Variants in GRM8 observed in about 807,000 individuals in gnomAD.
GRM8 encodes glutamate metabotropic receptor 8, also known as metabotropic glutamate receptor 8.
Under a neutral mutation model 87.2 loss-of-function variants are expected in GRM8, and 47 were observed. That is an observed-to-expected ratio of 0.54 (90% CI 0.43 to 0.69). GRM8 has a LOEUF of 0.69. Among genes scored for constraint, GRM8 ranks in the 30% least tolerant of loss-of-function variants. The pLI is 0.00. For missense variants in GRM8, 1,019 were observed against 1,139.2 expected, an observed-to-expected ratio of 0.89 and a Z score of 1.52; for synonymous variants, 396 against 404.5, an observed-to-expected ratio of 0.98 and a Z score of 0.25.
In GRM8 at chr7:126,911,850, A is replaced by G. The variant is rs116267363; in HGVS notation, c.728-7167T>C. Among the ~76,000 whole-genome samples, 406 of 152,270 alleles carry G rather than the reference A, an allele frequency of 2.7e-3. 2 individuals carry two copies. The highest frequency in any genetic ancestry group is 9.4e-3 in the African/African-American group (391 of 41,540). On this transcript the variant is annotated intron_variant, in intron 3 of 10. Transcript: ENST00000339582. ...ATGATTCATTTTATGTATCAGTTTG[A>G]CTGGGCCACATGCTGCCCACATAGC...
chr7:127,210,949 C>CCAATACAA (rs1350292448), intron 2 of GRM8, among the ~76,000 whole-genome samples: 1 of 152,112 alleles, frequency 6.6e-6, no homozygotes, highest in East Asian at 1.9e-4. Flanking sequence ...CTTCTGAAAG[C>CCAATACAA]CAATACAAAG....
At chr7:127,037,176 T>G (rs1817923195) in intron 3 of GRM8, among the ~76,000 whole-genome samples, 1 of 152,200 alleles carries the variant, frequency 6.6e-6, no homozygotes. Flanking sequence ...TAGATCCCTT[T>G]GCTAAGGGTA....
chr7:126,532,849 A>G, intron 9 of GRM8, 103 bp downstream of exon 9: 2 of 581,512 alleles, frequency 3.4e-6, no homozygotes, highest in East Asian at 2.9e-5. Context: ...AGACTGAAGC[A>G]TCTTTAGAGA....
intron 6 of GRM8, among the ~76,000 whole-genome samples, chr7:126,784,410 T>G (rs1820411276): frequency 6.6e-6 from 1 of 152,230 alleles, no homozygotes; most frequent in Non-Finnish European, 1.5e-5. Context: ...AGAAATTTGA[T>G]AAATTTAGAA....
chr7:126,482,547 CA>C (rs201799318), intron 9 of GRM8, among the ~76,000 whole-genome samples: 1,966 of 151,946 alleles, frequency 0.013, 39 homozygotes, highest in African/African-American at 0.045. Context: ...AAGCAAGTCA[CA>C]AAAAAGACAA....
At chr7:126,919,829 T>C (rs373815036) in intron 3 of GRM8, among the ~76,000 whole-genome samples, 1 of 152,164 alleles carries the variant, frequency 6.6e-6, no homozygotes, top group East Asian at 1.9e-4. Flanking sequence ...AGCCACCTGA[T>C]ACAACACCCT....
intron 7 of GRM8, among the ~76,000 whole-genome samples, chr7:126,706,796 T>G (rs1450833497): frequency 6.6e-6 from 1 of 152,116 alleles, no homozygotes; most frequent in African/African-American, 2.4e-5. Context: ...ATACTGTAAG[T>G]CTGGTTTCAA....
At chr7:127,242,112 A>G (rs542170060) in intron 2 of GRM8, among the ~76,000 whole-genome samples, 13 of 152,326 alleles carry the variant, frequency 8.5e-5, no homozygotes, top group African/African-American at 3.1e-4. Context: ...AATTATTCCA[A>G]GTCTGTATCA....
At chr7:126,706,490 G>A (rs1045274512) in intron 7 of GRM8, among the ~76,000 whole-genome samples, 15 of 152,112 alleles carry the variant, frequency 9.9e-5, no homozygotes, top group Admixed American at 9.2e-4. Context: ...CTTGGAGAAG[G>A]TCAGCCATTT....
intron 9 of GRM8, among the ~76,000 whole-genome samples, chr7:126,531,726 C>T (rs1269279745): frequency 2.0e-5 from 3 of 152,186 alleles, no homozygotes; most frequent in African/African-American, 7.2e-5. Flanking sequence ...TGCTGAAGTA[C>T]ATTATTTGTC....
intron 3 of GRM8, among the ~76,000 whole-genome samples, chr7:126,925,730 G>T (rs1182643331): frequency 6.6e-6 from 1 of 152,048 alleles, no homozygotes; most frequent in African/African-American, 2.4e-5. Flanking sequence ...CCTAAGATGT[G>T]GTTTAAGTCT....
intron 3 of GRM8, among the ~76,000 whole-genome samples, chr7:127,025,231 A>C (rs1816659439): frequency 6.6e-6 from 1 of 152,040 alleles, no homozygotes; most frequent in Non-Finnish European, 1.5e-5. Context: ...GGTAGACTAC[A>C]GGGTCTTTTG....
intron 3 of GRM8, among the ~76,000 whole-genome samples, chr7:126,943,092 T>C (rs1403839061): frequency 6.6e-6 from 1 of 152,176 alleles, no homozygotes; most frequent in Non-Finnish European, 1.5e-5. Context: ...GGCTCTCTCT[T>C]TGAAAAGCAA....
chr7:126,943,680 T>C (rs1258004810), intron 3 of GRM8, among the ~76,000 whole-genome samples: 2 of 152,216 alleles, frequency 1.3e-5, no homozygotes, highest in African/African-American at 4.8e-5. Context: ...TCCCTCTCTC[T>C]CATTGACGCC....
chr7:126,871,668 G>A (rs1799109953), intron 6 of GRM8, among the ~76,000 whole-genome samples: 1 of 152,140 alleles, frequency 6.6e-6, no homozygotes, highest in South Asian at 2.1e-4. Flanking sequence ...ATGAACAAAT[G>A]AGTCAATTTT....
intron 6 of GRM8, among the ~76,000 whole-genome samples, chr7:126,797,712 TA>T (rs1822121095): frequency 6.6e-6 from 1 of 152,106 alleles, no homozygotes; most frequent in Admixed American, 6.6e-5. Flanking sequence ...TTGAAAAATT[TA>T]AAGGTCTAAT....
Position 126,749,380 on chromosome 7 carries a change from T to C in GRM8, c.1357+20485A>G, listed in dbSNP as rs898571633. Among the ~76,000 whole-genome samples the C allele has an allele frequency of 1.3e-5, 2 of 151,658 alleles. 1 individual carries two copies. Among genetic ancestry groups the C allele is most frequent in the South Asian group, 4.2e-4 (2 of 4,808 alleles). ...TCGAGAAGAAACAATGAAAAAAAAA[T>C]TCATAAGCTTGAGTTAGGCACAAAT... is the stretch of plus-strand genomic sequence containing the variant. On this transcript the variant is annotated intron_variant, in intron 7 of 10. Transcript: ENST00000339582.
At chr7:126,809,421 C>A (rs1484780316) in intron 6 of GRM8, among the ~76,000 whole-genome samples, 1 of 152,100 alleles carries the variant, frequency 6.6e-6, no homozygotes, top group African/African-American at 2.4e-5. Flanking sequence ...AGAGGGAAAT[C>A]TATTAAACTT....
intron 6 of GRM8, among the ~76,000 whole-genome samples, chr7:126,863,997 T>C (rs919252229): frequency 4.0e-5 from 6 of 150,474 alleles, no homozygotes; most frequent in Non-Finnish European, 8.9e-5. Context: ...TATACAAATA[T>C]ATACTTGGTT....
Sources: gnomAD v4.1 joint callset for allele counts (sites outside exome capture counted in the v4.1 genomes callset) on GRCh38, gnomAD v4.1.1 for gene constraint, MANE v1.5 for transcripts, NCBI Gene and HGNC (gene_info 2026-07-23, HGNC 2026-07-21) for gene names.